The following PTPRD variants were observed in gnomAD, a reference collection of about 807,000 sequenced individuals.
PTPRD encodes the protein receptor-type tyrosine-protein phosphatase delta.
In PTPRD, 34 loss-of-function variants were observed where a neutral mutation model predicts 214.5. The observed-to-expected ratio is 0.16, with a 90% CI of 0.12 to 0.21. The LOEUF (loss-of-function observed/expected upper bound fraction) is 0.21, where lower values mean the gene tolerates loss of function less well. Ranked by LOEUF, PTPRD falls within the 10% of genes least tolerant of loss-of-function variation. The pLI, the probability that PTPRD is intolerant of heterozygous loss-of-function variation, is 1.00. For missense variants in PTPRD, 2,545 were observed against 2,398.7 expected (o/e 1.06, Z -1.27); for synonymous variants, 1,128 against 845.7 (o/e 1.33, Z -5.79).
chr9:9,995,789 T>C (rs1297962195), intron 4 of PTPRD, among the ~76,000 whole-genome samples: 1 of 152,174 alleles, frequency 6.6e-6, no homozygotes, highest in Non-Finnish European at 1.5e-5. Flanking sequence ...TTGATACTTT[T>C]CTGCCCCCAG....
chr9:8,850,900 C>T (rs1442939280), intron 11 of PTPRD, among the ~76,000 whole-genome samples: 3 of 152,142 alleles, frequency 2.0e-5, no homozygotes, highest in Non-Finnish European at 2.9e-5. Flanking sequence ...GGAAGGAAGA[C>T]GGAGAAAATT....
intron 30 of PTPRD, among the ~76,000 whole-genome samples, chr9:8,472,426 T>C (rs1418083004): frequency 6.6e-6 from 1 of 152,158 alleles, no homozygotes; most frequent in Non-Finnish European, 1.5e-5. Context: ...GGCCTCTTTC[T>C]ATTCATCTCA....
At chr9:9,186,543 C>T (rs1010964153) in intron 9 of PTPRD, among the ~76,000 whole-genome samples, 2 of 151,694 alleles carry the variant, frequency 1.3e-5, no homozygotes, top group East Asian at 1.9e-4. Context: ...CTCCAGAGGT[C>T]GAGGGTGTAG....
chr9:8,927,869 G>T (rs2098914295), intron 11 of PTPRD, among the ~76,000 whole-genome samples: 1 of 152,270 alleles, frequency 6.6e-6, no homozygotes, highest in South Asian at 2.1e-4. Context: ...TCCAGCATCT[G>T]TTGTTTCCTG....
At chr9:8,989,420 C>A (rs1365951153) in intron 11 of PTPRD, among the ~76,000 whole-genome samples, 1 of 152,010 alleles carries the variant, frequency 6.6e-6, no homozygotes, top group African/African-American at 2.4e-5. Context: ...TCTATGAAAT[C>A]TATTTTAGCT....
At chr9:10,208,326 A>G (rs1028944321) in intron 3 of PTPRD, among the ~76,000 whole-genome samples, 20 of 152,310 alleles carry the variant, frequency 1.3e-4, no homozygotes, top group Admixed American at 7.2e-4. Context: ...CATCCTGGCT[A>G]ACACGGTGAA....
At chr9:10,272,477 G>A (rs912799103) in intron 3 of PTPRD, among the ~76,000 whole-genome samples, 10 of 152,142 alleles carry the variant, frequency 6.6e-5, no homozygotes, top group Non-Finnish European at 1.5e-4. Flanking sequence ...GGCATGGATT[G>A]CTTTGTTTTT....
chr9:10,552,608 A>C (rs532684583), intron 2 of PTPRD, among the ~76,000 whole-genome samples: 1 of 152,296 alleles, frequency 6.6e-6, no homozygotes, highest in East Asian at 1.9e-4. Flanking sequence ...ACGCTAGATC[A>C]ACCAATTGCT....
At chr9:8,702,275 GCT>G (rs941486296) in intron 12 of PTPRD, among the ~76,000 whole-genome samples, 4 of 148,292 alleles carry the variant, frequency 2.7e-5, no homozygotes, top group African/African-American at 7.5e-5. Context: ...AAAAAAAAAT[GCT>G]CTGAGTGAGG....
intron 9 of PTPRD, among the ~76,000 whole-genome samples, chr9:9,332,234 C>A (rs985503645): frequency 2.0e-5 from 3 of 147,532 alleles, no homozygotes; most frequent in African/African-American, 7.6e-5. Context: ...GCCAATTTAG[C>A]AGGTGGAGAG....
At chr9:8,592,607 C>T (rs1322389994) in intron 14 of PTPRD, among the ~76,000 whole-genome samples, 1 of 152,020 alleles carries the variant, frequency 6.6e-6, no homozygotes, top group Non-Finnish European at 1.5e-5. Context: ...AAGTGTCTCA[C>T]CAAAATAATA....
At chr9:9,949,055 C>G (rs889769969) in intron 4 of PTPRD, among the ~76,000 whole-genome samples, 1 of 151,912 alleles carries the variant, frequency 6.6e-6, no homozygotes, top group East Asian at 1.9e-4. Context: ...AGATGTAGAG[C>G]AAAAATTATA....
chr9:8,791,511 ACCATGCC>A (rs2154509473), intron 11 of PTPRD, among the ~76,000 whole-genome samples: 1 of 140,298 alleles, frequency 7.1e-6, no homozygotes, highest in African/African-American at 2.6e-5. Flanking sequence ...GGCATGAGCC[ACCATGCC>A]CAGACTTTTT....
At chr9:10,424,011 G>A (rs949299526) in intron 2 of PTPRD, among the ~76,000 whole-genome samples, 4 of 151,798 alleles carry the variant, frequency 2.6e-5, no homozygotes, top group South Asian at 4.1e-4. Flanking sequence ...AATTAATTGC[G>A]GAAAGCTACT....
chr9:9,202,523 G>A (rs1335204282), intron 9 of PTPRD, among the ~76,000 whole-genome samples: 2 of 152,162 alleles, frequency 1.3e-5, no homozygotes, highest in Non-Finnish European at 2.9e-5. Flanking sequence ...ATGTTGAAGA[G>A]GCCACATTAC....
chr9:8,504,236 A>C lies in PTPRD; in HGVS notation c.1822+25T>G, dbSNP rs1001583570. 3.1e-6 allele frequency: 5 copies of C among 1,613,192 alleles called. No homozygotes were observed. The African/African-American group carries it at 6.7e-5, about 22-fold the overall frequency. On this transcript the variant is annotated intron_variant, in intron 23 of 45. Coordinates refer to ENST00000381196, the MANE Select transcript of PTPRD (RefSeq NM_002839.4). ...TCTCCCCGAGGAAATAAAAAGGCAGAAAGTAAGCAAAGAGAGACACCTACT... is the reference window on the plus strand; with the variant it reads ...TCTCCCCGAGGAAATAAAAAGGCAGCAAGTAAGCAAAGAGAGACACCTACT...
intron 10 of PTPRD, among the ~76,000 whole-genome samples, chr9:9,097,815 G>A (rs1253037159): frequency 6.6e-6 from 1 of 151,962 alleles, no homozygotes; most frequent in Non-Finnish European, 1.5e-5. Flanking sequence ...TATTTTTCAC[G>A]GATGCTTGTA....
intron 8 of PTPRD, among the ~76,000 whole-genome samples, chr9:9,573,763 A>G (rs1163881272): frequency 1.3e-5 from 2 of 151,882 alleles, no homozygotes; most frequent in Non-Finnish European, 3.0e-5. Context: ...CTTTCCTCCT[A>G]TATGACACTT....
chr9:10,243,512 A>C (rs1326542410), intron 3 of PTPRD, among the ~76,000 whole-genome samples: 1 of 151,980 alleles, frequency 6.6e-6, no homozygotes, highest in African/African-American at 2.4e-5. Flanking sequence ...CCACCTATAC[A>C]ATTGCATAGG....
Sources: allele counts gnomAD v4.1 joint callset (sites outside exome capture counted in the v4.1 genomes callset), GRCh38; gene constraint gnomAD v4.1.1; transcripts MANE v1.5; gene names NCBI Gene and HGNC (gene_info 2026-07-23, HGNC 2026-07-21).